APOL3: variants seen among roughly 807,000 people sequenced by gnomAD.
APOL3 encodes apolipoprotein L3, also known as TNF-inducible protein CG12-1.
APOL3 carries 14 observed loss-of-function variants against 11.6 expected under a neutral mutation model. The ratio of observed to expected loss-of-function variants is 1.21; its 90% CI spans 0.80 to 1.89. The LOEUF is 1.89. Among genes scored for constraint, APOL3 ranks in the 40% most tolerant of loss-of-function variants. APOL3 has a pLI of 0.00. For synonymous variants in APOL3, 192 were observed against 190.6 expected (o/e 1.01, Z -0.06); for missense variants, 483 against 492.1 (o/e 0.98, Z 0.17).
intron 1 of APOL3, chr22:36,154,509 A>G: frequency 2.3e-6 from 1 of 435,990 alleles, no homozygotes; most frequent in East Asian, 7.2e-5. Context: ...ATCTTAATAT[A>G]AATGGATATT....
At chr22:36,146,387 T>C (rs1355270954) in intron 1 of APOL3, 1 of 152,086 alleles carries the variant, frequency 6.6e-6, no homozygotes, top group African/African-American at 2.4e-5. Context: ...TGTCAAACGC[T>C]TTACACCAGT....
chr22:36,156,064 G>T (rs1603475586), intron 1 of APOL3: 1 of 215,324 alleles, frequency 4.6e-6, no homozygotes, highest in South Asian at 9.6e-5. Flanking sequence ...GGGAGAGAGG[G>T]GTGAAGACAC....
At chr22:36,163,703 A>C (rs978130312), upstream of APOL3, among the ~76,000 whole-genome samples, 1 of 152,070 alleles carries the variant, frequency 6.6e-6, no homozygotes, top group Admixed American at 6.5e-5. Flanking sequence ...AGCAGGGGAC[A>C]CTCTCTCCTG....
chr22:36,159,314 C>CCT lies in APOL3; in HGVS notation c.223+1353_223+1354dup, dbSNP rs2013419019. 5 of 152,330 alleles carry CCT rather than the reference C, an allele frequency of 3.3e-5. No homozygotes were observed. In the South Asian group the frequency reaches 6.2e-4, roughly 19 times the overall value. 9.4% of individuals were successfully genotyped at this position (152,330 alleles called of 1,614,324 possible). On this transcript the variant is annotated intron_variant, in intron 1 of 2. Coordinates refer to ENST00000349314, the Ensembl canonical transcript of APOL3. ...TCAGCAGGGTAGGGCATCCTAACCC[C>CCT]CTAAGGCAGGTGAAAAACCCTGAGG... is the stretch of plus-strand genomic sequence containing the variant.
At chr22:36,166,154 G>A (rs1193392921) in exon 1 of APOL3, 1 of 152,204 alleles carries the variant, frequency 6.6e-6, no homozygotes, top group African/African-American at 2.4e-5. Context: ...TTTACATGTG[G>A]TTGTACCCTC....
intron 1 of APOL3, among the ~76,000 whole-genome samples, chr22:36,148,604 G>A (rs1277923923): frequency 2.0e-5 from 3 of 152,224 alleles, no homozygotes; most frequent in African/African-American, 7.2e-5. Context: ...CAGGGCAAGA[G>A]CTGGAGGGAG....
At chr22:36,154,534 T>G (rs948649301) in intron 1 of APOL3, 38 of 449,786 alleles carry the variant, frequency 8.4e-5, no homozygotes, top group Non-Finnish European at 5.0e-5. Flanking sequence ...CTTCTATTTA[T>G]TTATGTTCCT....
At chr22:36,160,851 A>T (rs745686476) in exon 1 of APOL3, 2 of 1,612,934 alleles carry the variant, frequency 1.2e-6, no homozygotes, top group South Asian at 1.1e-5. Flanking sequence ...CAAACATGCA[A>T]AACAGGATGC....
At position 36,157,669 on chromosome 22, in the gene APOL3, A is replaced by T. The variant is rs5995232; in HGVS notation, c.223+3000T>A. The stretch of plus-strand genomic sequence containing the variant: ...GCCAGAATAAAATGAAAGAATAGGA[A>T]GCACGGTTTGCAATACTTAAAGCAA... On this transcript the variant is annotated intron_variant, in intron 1 of 2. Coordinates refer to ENST00000349314, the Ensembl canonical transcript of APOL3. 3.5e-4 allele frequency among the ~76,000 whole-genome samples: 53 copies of T among 152,372 alleles called. 2 individuals are homozygous for T. Among genetic ancestry groups the T allele is most frequent in the African/African-American group, 1.3e-3 (52 of 41,586 alleles).
At chr22:36,159,880 CT>C (rs1203226199) in intron 1 of APOL3, among the ~76,000 whole-genome samples, 192 of 145,622 alleles carry the variant, frequency 1.3e-3, no homozygotes, top group South Asian at 1.5e-3. Context: ...CTCTCTCTCT[CT>C]TTTTTTTTTT....
chr22:36,148,681 A>G (rs132641), intron 1 of APOL3, among the ~76,000 whole-genome samples: 135,769 of 152,184 alleles, frequency 0.89, 60,853 homozygotes, highest in East Asian at 1. Context: ...AGAGGTCGGG[A>G]CTGCTGGTCA....
chr22:36,152,556 C>T (rs943555483), intron 1 of APOL3, among the ~76,000 whole-genome samples: 24 of 152,106 alleles, frequency 1.6e-4, no homozygotes, highest in African/African-American at 5.8e-4. Flanking sequence ...GAAATACTGG[C>T]TACAGTTAAG....
chr22:36,152,313 G>A (rs2011878299), intron 1 of APOL3, among the ~76,000 whole-genome samples: 1 of 152,172 alleles, frequency 6.6e-6, no homozygotes, highest in Admixed American at 6.5e-5. Flanking sequence ...CAAAACATGT[G>A]CAACCATATT....
At chr22:36,161,433 C>T (rs906608479), upstream of APOL3, 4 of 171,916 alleles carry the variant, frequency 2.3e-5, no homozygotes, top group Admixed American at 1.1e-4. Flanking sequence ...AATGATCCTC[C>T]TGCCTCAGCA....
In APOL3 at chr22:36,149,975, TAAA is replaced by T. The variant is rs377466128; in HGVS notation, c.224-4379_224-4377del. ...GTACATACCACCACGCTAGGCACAT[TAAA>T]AAAAAATTTTTTTTAGAAATGTGGA... On this transcript the variant is annotated intron_variant, in intron 1 of 2. Transcript: ENST00000349314. 3.7e-3 allele frequency: 1,606 copies of T among 433,218 alleles called. 18 individuals carry two copies. The highest frequency in any genetic ancestry group is 0.031 in the African/African-American group (1,485 of 48,674). The allele number at this position is 433,218 out of a possible 1,614,324, so 26.8% of individuals were successfully genotyped here. A position where few individuals can be genotyped will look rare whatever the true frequency, so the allele number is the denominator to read the frequency against.
At chr22:36,153,597 C>T (rs2012199065) in intron 1 of APOL3, among the ~76,000 whole-genome samples, 1 of 152,222 alleles carries the variant, frequency 6.6e-6, no homozygotes, top group South Asian at 2.1e-4. Context: ...GAACCAAATT[C>T]CCCAGACTGT....
chr22:36,153,202 T>C (rs2012096806), intron 1 of APOL3: 1 of 225,024 alleles, frequency 4.4e-6, no homozygotes, highest in African/African-American at 2.3e-5. Flanking sequence ...AAATGATTTG[T>C]CTGAACCGTA....
chr22:36,142,714 A>C (rs1249555074), intron 2 of APOL3, among the ~76,000 whole-genome samples: 1 of 152,218 alleles, frequency 6.6e-6, no homozygotes, highest in African/African-American at 2.4e-5. Context: ...CCATCAGGAC[A>C]GCTTGTGATC....
chr22:36,158,366 C>T (rs2013241366), intron 1 of APOL3, among the ~76,000 whole-genome samples: 1 of 152,174 alleles, frequency 6.6e-6, no homozygotes, highest in Non-Finnish European at 1.5e-5. Context: ...TGGCACAGCA[C>T]CCACTCCTAG....
Sources: gnomAD v4.1 joint callset for allele counts (sites outside exome capture counted in the v4.1 genomes callset) on GRCh38, gnomAD v4.1.1 for gene constraint, MANE v1.5 for transcripts, NCBI Gene and HGNC (gene_info 2026-07-23, HGNC 2026-07-21) for gene names.